Variants in CDH12 observed in about 807,000 individuals in gnomAD.
CDH12 encodes the protein cadherin-12.
In CDH12, 41 loss-of-function variants were observed where a neutral mutation model predicts 74.1. The observed-to-expected ratio is 0.55, with a 90% CI of 0.43 to 0.72. CDH12 has a LOEUF of 0.72. Ranked by LOEUF, CDH12 falls within the 30% of genes least tolerant of loss-of-function variation. The pLI is 0.00. For synonymous variants in CDH12, 399 were observed against 355.0 expected, an observed-to-expected ratio of 1.12 and a Z score of -1.39; for missense variants, 945 against 977.2, an observed-to-expected ratio of 0.97 and a Z score of 0.44.
chr5:22,449,558 C>T (rs1006213470), intron 2 of CDH12, among the ~76,000 whole-genome samples: 2 of 151,986 alleles, frequency 1.3e-5, no homozygotes, highest in Non-Finnish European at 2.9e-5. Context: ...CTTCCCAACG[C>T]TACTTTCAAC....
intron 6 of CDH12, among the ~76,000 whole-genome samples, chr5:21,915,856 G>A (rs1561296300): frequency 6.7e-6 from 1 of 150,056 alleles, no homozygotes; most frequent in African/African-American, 2.5e-5. Context: ...GTGTGTGTGT[G>A]TGTGTTCATG....
At chr5:22,216,822 T>C (rs1751821704) in intron 3 of CDH12, among the ~76,000 whole-genome samples, 1 of 151,866 alleles carries the variant, frequency 6.6e-6, no homozygotes, top group South Asian at 2.1e-4. Context: ...TAGACTATAG[T>C]CAAAATTCTA....
chr5:21,900,575 C>T (rs1753339330), intron 6 of CDH12, among the ~76,000 whole-genome samples: 2 of 152,128 alleles, frequency 1.3e-5, no homozygotes, highest in Admixed American at 6.5e-5. Context: ...GCTCTGCCAC[C>T]GTAACAACCA....
At chr5:21,971,238 C>T (rs1379742244) in intron 6 of CDH12, among the ~76,000 whole-genome samples, 3 of 151,776 alleles carry the variant, frequency 2.0e-5, no homozygotes, top group Admixed American at 6.6e-5. Flanking sequence ...ATATTTTAGC[C>T]GCATGACACC....
intron 3 of CDH12, among the ~76,000 whole-genome samples, chr5:22,387,969 T>C (rs1742071731): frequency 6.6e-6 from 1 of 152,134 alleles, no homozygotes; most frequent in African/African-American, 2.4e-5. Flanking sequence ...GAGAAGTTTA[T>C]GAAATTAGAC....
chr5:22,234,317 A>G (rs976800257), intron 3 of CDH12, among the ~76,000 whole-genome samples: 1 of 152,134 alleles, frequency 6.6e-6, no homozygotes, highest in Admixed American at 6.5e-5. Context: ...TGTGGGAAGG[A>G]CCTGGAAAGG....
intron 3 of CDH12, among the ~76,000 whole-genome samples, chr5:22,281,110 C>T (rs548977957): frequency 7.9e-5 from 12 of 152,170 alleles, no homozygotes; most frequent in African/African-American, 2.9e-4. Context: ...TAAACAGAAC[C>T]AAAGACAAAA....
At chr5:22,283,759 T>A (rs1304437811) in intron 3 of CDH12, among the ~76,000 whole-genome samples, 1 of 152,116 alleles carries the variant, frequency 6.6e-6, no homozygotes, top group Non-Finnish European at 1.5e-5. Flanking sequence ...AATAGATCTT[T>A]AATGTTTTTA....
At chr5:22,553,921 T>TATAA (rs1187701023) in intron 1 of CDH12, among the ~76,000 whole-genome samples, 1 of 152,106 alleles carries the variant, frequency 6.6e-6, no homozygotes, top group African/African-American at 2.4e-5. Flanking sequence ...TAATGTGGAG[T>TATAA]ATAAACATAA....
Position 21,833,455 on chromosome 5 carries a change from A to G in CDH12, c.814+8706T>C, listed in dbSNP as rs540237804. 5.7e-5 allele frequency among the ~76,000 whole-genome samples: 5 copies of G among 87,646 alleles called. No homozygotes were observed. In the South Asian group the frequency reaches 1.4e-3, roughly 24 times the overall value. The allele number at this position is 87,646 out of a possible 152,430, so 57.5% of individuals were successfully genotyped here. On this transcript the variant is annotated intron_variant, in intron 8 of 14. Transcript: ENST00000382254. ...TATTAATTACATATATTATTAATAT[A>G]TGATATATATTATTATATATCATAT...
intron 1 of CDH12, among the ~76,000 whole-genome samples, chr5:22,666,661 T>C (rs1331724519): frequency 6.6e-6 from 1 of 152,116 alleles, no homozygotes; most frequent in Non-Finnish European, 1.5e-5. Flanking sequence ...AAGAGTCCCG[T>C]AATTTGGTTC....
At chr5:22,198,137 T>C (rs773934640) in intron 4 of CDH12, among the ~76,000 whole-genome samples, 2 of 152,236 alleles carry the variant, frequency 1.3e-5, no homozygotes, top group Non-Finnish European at 2.9e-5. Context: ...TAAAATATCA[T>C]AGTGTGCGTC....
chr5:21,911,538 T>A (rs1753858610), intron 6 of CDH12, among the ~76,000 whole-genome samples: 1 of 152,102 alleles, frequency 6.6e-6, no homozygotes, highest in African/African-American at 2.4e-5. Context: ...GAGATGTAGA[T>A]GGATAATTAA....
intron 3 of CDH12, among the ~76,000 whole-genome samples, chr5:22,400,644 A>T (rs1246141931): frequency 6.6e-6 from 1 of 152,024 alleles, no homozygotes; most frequent in Non-Finnish European, 1.5e-5. Context: ...TTTTGGTAGA[A>T]ATCTAATATA....
At chr5:21,946,673 G>A (rs2150095965) in intron 6 of CDH12, among the ~76,000 whole-genome samples, 1 of 152,276 alleles carries the variant, frequency 6.6e-6, no homozygotes, top group Middle Eastern at 3.4e-3. Context: ...CATATATCAT[G>A]GTGGTCCCAT....
chr5:22,665,820 C>T (rs1005948367), intron 1 of CDH12, among the ~76,000 whole-genome samples: 1 of 152,194 alleles, frequency 6.6e-6, no homozygotes, highest in African/African-American at 2.4e-5. Flanking sequence ...ACAGTGCTAT[C>T]TTTCAGAAAG....
intron 1 of CDH12, among the ~76,000 whole-genome samples, chr5:22,575,396 A>G (rs1425584944): frequency 7.0e-6 from 1 of 143,818 alleles, no homozygotes; most frequent in Non-Finnish European, 1.5e-5. Context: ...GGTTTGAAAC[A>G]TTTTTTTTTT....
chr5:22,768,277 C>T (rs1461597090), intron 1 of CDH12, among the ~76,000 whole-genome samples: 1 of 152,154 alleles, frequency 6.6e-6, no homozygotes, highest in East Asian at 1.9e-4. Context: ...TTAGATAACT[C>T]TATCCCATGG....
intron 4 of CDH12, chr5:22,212,186 A>G (rs1406640172): frequency 2.0e-5 from 3 of 152,248 alleles, no homozygotes; most frequent in Non-Finnish European, 4.4e-5. Flanking sequence ...AATCACTTCA[A>G]TCAAAACCAA....
Sources: gnomAD v4.1 joint callset for allele counts (sites outside exome capture counted in the v4.1 genomes callset) on GRCh38, gnomAD v4.1.1 for gene constraint, MANE v1.5 for transcripts, NCBI Gene and HGNC (gene_info 2026-07-23, HGNC 2026-07-21) for gene names.